The following NAF1 variants were observed in gnomAD, a reference collection of about 807,000 sequenced individuals.
The protein encoded by NAF1 is nuclear assembly factor 1 ribonucleoprotein, also known as H/ACA ribonucleoprotein complex non-core subunit NAF1.
NAF1 carries 11 observed loss-of-function variants against 40.6 expected under a neutral mutation model. The observed-to-expected ratio is 0.27, with a 90% CI of 0.17 to 0.45. The LOEUF (loss-of-function observed/expected upper bound fraction) is 0.45. Among genes scored for constraint, NAF1 ranks in the 20% least tolerant of loss-of-function variants. The pLI is 1.00. For synonymous variants in NAF1, 260 were observed against 228.5 expected (o/e 1.14, Z -1.24); for missense variants, 607 against 611.1 (o/e 0.99, Z 0.07).
intron 7 of NAF1, among the ~76,000 whole-genome samples, chr4:163,132,540 C>T (rs140103213): frequency 1.7e-3 from 255 of 152,256 alleles, no homozygotes; most frequent in African/African-American, 6.1e-3. Context: ...ATGGAGAACA[C>T]ATTAATGGTT....
At chr4:163,155,364 G>A (rs899516559) in intron 2 of NAF1, among the ~76,000 whole-genome samples, 2 of 152,096 alleles carry the variant, frequency 1.3e-5, no homozygotes, top group Admixed American at 6.6e-5. Flanking sequence ...CAAAAAGATG[G>A]CTAGCACATA....
At chr4:163,162,161 T>C (rs1022846855) in intron 2 of NAF1, among the ~76,000 whole-genome samples, 3 of 151,796 alleles carry the variant, frequency 2.0e-5, no homozygotes, top group African/African-American at 7.2e-5. Flanking sequence ...AGTCTATCAG[T>C]GGTAAAACTG....
chr4:163,162,568 CA>C (rs1732271807), intron 2 of NAF1, among the ~76,000 whole-genome samples: 1 of 152,220 alleles, frequency 6.6e-6, no homozygotes. Context: ...TACACTTACA[CA>C]ATTCAATAGC....
At chr4:163,156,672 A>AT (rs1731999005) in intron 2 of NAF1, among the ~76,000 whole-genome samples, 1 of 152,100 alleles carries the variant, frequency 6.6e-6, no homozygotes, top group Non-Finnish European at 1.5e-5. Context: ...CCAGGCATTA[A>AT]CAATATCAAT....
intron 7 of NAF1, among the ~76,000 whole-genome samples, chr4:163,130,971 C>A (rs779250445): frequency 6.6e-6 from 1 of 152,158 alleles, no homozygotes; most frequent in African/African-American, 2.4e-5. Context: ...CTCCGCTGCC[C>A]GGGTCCCAGC....
At chr4:163,130,190 G>A (rs1468112778) in intron 7 of NAF1, among the ~76,000 whole-genome samples, 5 of 152,016 alleles carry the variant, frequency 3.3e-5, no homozygotes, top group East Asian at 3.9e-4. Context: ...AATATACCCA[G>A]GTTGCAATAA....
chr4:163,118,891 C>T (rs1198775791), intron 2 of NAF1, among the ~76,000 whole-genome samples: 2 of 152,238 alleles, frequency 1.3e-5, no homozygotes, highest in African/African-American at 4.8e-5. Context: ...TGGATGGGTC[C>T]TTTGACTAGA....
chr4:163,145,972 G>T, intron 3 of NAF1, 108 bp from the exon 4 acceptor site: 1 of 604,636 alleles, frequency 1.7e-6, no homozygotes, highest in Non-Finnish European at 2.8e-6. Context: ...ATTGAAGGTG[G>T]GATTATTACC....
chr4:163,125,785 G>A (rs921804999), downstream of NAF1, among the ~76,000 whole-genome samples: 3 of 152,192 alleles, frequency 2.0e-5, no homozygotes, highest in African/African-American at 7.2e-5. Flanking sequence ...CATAGCTGTA[G>A]AACGGGAATC....
chr4:163,160,404 G>A (rs1043825903), intron 2 of NAF1, among the ~76,000 whole-genome samples: 2 of 147,326 alleles, frequency 1.4e-5, no homozygotes, highest in Admixed American at 6.7e-5. Context: ...TCTTGGGATG[G>A]CAAGATTTGG....
At chr4:163,131,690 C>CA (rs1176970228) in intron 7 of NAF1, among the ~76,000 whole-genome samples, 1 of 152,108 alleles carries the variant, frequency 6.6e-6, no homozygotes, top group Non-Finnish European at 1.5e-5. Context: ...AGGAAGTTCT[C>CA]AGATTCCATA....
rs1316891069 is a variant in NAF1 at position 163,166,521 on chromosome 4, G to C, written c.207C>G (p.Pro69=). 3.8e-6 allele frequency: 6 copies of C among 1,599,028 alleles called. No individual in the cohort carries two copies. The highest frequency in any genetic ancestry group is 1.7e-5 in the Admixed American group (1 of 58,184). Reference sequence around the variant, plus strand: ...TCCCGGCCGCGACGGCGTTCAGAACGGGCTGCAGAGGCTGCTCCCCGGCAG... The same window carrying C: ...TCCCGGCCGCGACGGCGTTCAGAACCGGCTGCAGAGGCTGCTCCCCGGCAG... ...VKPAGEQPLQ[P]VLNAVAAGTP... is the part of the protein sequence containing the mutation. Residue 69 remains proline, a synonymous_variant, in exon 1 of 8, where the codon CCC becomes CCG. Coordinates refer to ENST00000274054, the MANE Select transcript of NAF1 (RefSeq NM_138386.3).
chr4:163,152,196 T>C (rs1412929178), intron 2 of NAF1, among the ~76,000 whole-genome samples: 1 of 152,218 alleles, frequency 6.6e-6, no homozygotes, highest in Non-Finnish European at 1.5e-5. Context: ...AATTTCTTTT[T>C]AATGGGTTAA....
chr4:163,120,153 A>C (rs1730474645), intron 2 of NAF1, among the ~76,000 whole-genome samples: 1 of 152,148 alleles, frequency 6.6e-6, no homozygotes, highest in South Asian at 2.1e-4. Flanking sequence ...GGAGAGTGCA[A>C]ATGTTTCCCA....
At chr4:163,109,794 A>C (rs1730110077), downstream of NAF1, among the ~76,000 whole-genome samples, 1 of 152,200 alleles carries the variant, frequency 6.6e-6, no homozygotes, top group Admixed American at 6.5e-5. Context: ...CACACTCTGC[A>C]TAGATATAGA....
intron 2 of NAF1, among the ~76,000 whole-genome samples, chr4:163,159,121 A>C (rs569267422): frequency 6.6e-6 from 1 of 152,132 alleles, no homozygotes; most frequent in Non-Finnish European, 1.5e-5. Context: ...TAATAATTAT[A>C]TATGTATATA....
At chr4:163,148,569 T>G in intron 2 of NAF1, 135 bp from the exon 3 acceptor site, 1 of 585,072 alleles carries the variant, frequency 1.7e-6, no homozygotes, top group South Asian at 2.6e-5. Context: ...AATGTTATCA[T>G]TTTAGTGGTT....
intron 2 of NAF1, among the ~76,000 whole-genome samples, chr4:163,154,901 AAAC>A (rs1320958024): frequency 2.6e-5 from 4 of 151,900 alleles, no homozygotes; most frequent in African/African-American, 9.7e-5. Flanking sequence ...AAAAAAAAAA[AAAC>A]AGAGCGAGAG....
At chr4:163,151,390 T>C (rs974100876) in intron 2 of NAF1, among the ~76,000 whole-genome samples, 5 of 151,958 alleles carry the variant, frequency 3.3e-5, no homozygotes, top group African/African-American at 1.2e-4. Flanking sequence ...TATTTGTGTA[T>C]TTGGTCCATT....
Sources: gnomAD v4.1 joint callset for allele counts (sites outside exome capture counted in the v4.1 genomes callset) on GRCh38, gnomAD v4.1.1 for gene constraint, MANE v1.5 for transcripts, NCBI Gene and HGNC (gene_info 2026-07-23, HGNC 2026-07-21) for gene names.